The following LRRC74A variants were observed in gnomAD, a reference collection of about 807,000 sequenced individuals.
The protein encoded by LRRC74A is leucine rich repeat containing 74A.
In LRRC74A, 44 loss-of-function variants were observed where a neutral mutation model predicts 57.9. The observed-to-expected ratio is 0.76, with a 90% CI of 0.60 to 0.98. The LOEUF is 0.98. Among genes scored for constraint, LRRC74A ranks in the 50% least tolerant of loss-of-function variants. The pLI, the probability that LRRC74A is intolerant of heterozygous loss-of-function variation, is 0.00. For synonymous variants in LRRC74A, 211 were observed against 219.4 expected (o/e 0.96, Z 0.34); for missense variants, 572 against 574.0 (o/e 1.00, Z 0.04).
intron 7 of LRRC74A, among the ~76,000 whole-genome samples, chr14:76,848,905 A>C (rs1244200642): frequency 6.6e-6 from 1 of 152,192 alleles, no homozygotes. Context: ...CGGGTGCAGT[A>C]AGTGGGTAGA....
At chr14:76,868,043 C>T (rs111353955) in intron 13 of LRRC74A, among the ~76,000 whole-genome samples, 73 of 152,348 alleles carry the variant, frequency 4.8e-4, no homozygotes, top group African/African-American at 1.7e-3. Context: ...TAATAAGTCC[C>T]CGCCACATGC....
intron 10 of LRRC74A, among the ~76,000 whole-genome samples, chr14:76,858,131 A>G (rs951219713): frequency 6.6e-6 from 1 of 152,200 alleles, no homozygotes; most frequent in Non-Finnish European, 1.5e-5. Context: ...TACTGTATTA[A>G]TTTCCTAAGG....
chr14:76,856,604 C>A (rs1897900085), intron 9 of LRRC74A, among the ~76,000 whole-genome samples: 1 of 89,098 alleles, frequency 1.1e-5, no homozygotes, highest in East Asian at 3.7e-4. Flanking sequence ...GGATGGATGA[C>A]AGGTGGATGG....
intron 1 of LRRC74A, among the ~76,000 whole-genome samples, chr14:76,827,008 A>T (rs72737549): frequency 0.11 from 16,119 of 152,246 alleles, 957 homozygotes; most frequent in East Asian, 0.26. Flanking sequence ...AATCAGTCAC[A>T]TTGGGAATAT....
chr14:76,836,179 T>C, intron 3 of LRRC74A, 28 bp from the exon 4 acceptor site: 1 of 1,553,190 alleles, frequency 6.4e-7, no homozygotes, highest in Non-Finnish European at 8.9e-7. Context: ...CTTCTGTGTC[T>C]CTCTCCCTCC....
In LRRC74A at chr14:76,870,266, C is replaced by A; in HGVS notation, c.*117C>A. ...CGATGGACAGATGCTGTGGCAGGGGCTGGGCACAAGCAAATAAAGTCTGGC... is the reference window on the plus strand; with the variant it reads ...CGATGGACAGATGCTGTGGCAGGGGATGGGCACAAGCAAATAAAGTCTGGC... On this transcript the variant is annotated 3_prime_UTR_variant, in exon 14 of 14. Coordinates refer to ENST00000689127, the MANE Select transcript of LRRC74A (RefSeq NM_001385106.1). 8.5e-7 allele frequency: 1 copy of A among 1,169,852 alleles called. No homozygotes were observed. 72.5% of individuals were successfully genotyped at this position (1,169,852 alleles called of 1,614,324 possible). A position where few individuals can be genotyped will look rare whatever the true frequency, so the allele number is the denominator to read the frequency against.
chr14:76,867,184 GGGGA>G (rs1898967179), intron 12 of LRRC74A, among the ~76,000 whole-genome samples, 168 bp from the exon 13 acceptor site: 1 of 20,336 alleles, frequency 4.9e-5, no homozygotes, highest in African/African-American at 1.5e-4. Flanking sequence ...AGTGTGTGTG[GGGGA>G]GTGTGTGTGT....
At chr14:76,859,685 T>TG (rs1898157643) in intron 10 of LRRC74A, among the ~76,000 whole-genome samples, 21 of 142,888 alleles carry the variant, frequency 1.5e-4, no homozygotes, top group African/African-American at 4.2e-4. Context: ...TTTTTTTTTT[T>TG]GGGTGTTGGG....
chr14:76,859,470 G>A (rs141189392), intron 10 of LRRC74A, among the ~76,000 whole-genome samples: 246 of 148,422 alleles, frequency 1.7e-3, no homozygotes, highest in African/African-American at 5.6e-3. Flanking sequence ...GGAGGCAGAG[G>A]TTGTGATAAG....
At chr14:76,838,352 CT>C (rs1368883113) in intron 5 of LRRC74A, among the ~76,000 whole-genome samples, 1 of 152,130 alleles carries the variant, frequency 6.6e-6, no homozygotes, top group Non-Finnish European at 1.5e-5. Context: ...GAGACCTCCC[CT>C]CCTCTCCACA....
chr14:76,844,504 G>T, intron 6 of LRRC74A, 32 bp downstream of exon 6: 3 of 1,607,548 alleles, frequency 1.9e-6, no homozygotes, highest in East Asian at 2.2e-5. Flanking sequence ...CAAGCCACGT[G>T]GGCGATGTCC....
intron 6 of LRRC74A, 46 bp downstream of exon 6, chr14:76,844,518 G>T: frequency 6.3e-7 from 1 of 1,587,444 alleles, no homozygotes; most frequent in Non-Finnish European, 8.6e-7. Context: ...GATGTCCCTG[G>T]GAGATCTGGG....
intron 2 of LRRC74A, chr14:76,828,815 C>T (rs768814909): frequency 4.9e-6 from 2 of 410,346 alleles, no homozygotes; most frequent in Non-Finnish European, 9.5e-6. Flanking sequence ...AGATTATAGG[C>T]ATTGCCCAGG....
intron 12 of LRRC74A, among the ~76,000 whole-genome samples, chr14:76,866,638 G>A (rs1898819050): frequency 6.6e-6 from 1 of 152,156 alleles, no homozygotes; most frequent in African/African-American, 2.4e-5. Flanking sequence ...CGGTGCCCAG[G>A]CCGGGGGTGA....
intron 10 of LRRC74A, among the ~76,000 whole-genome samples, chr14:76,859,243 A>T (rs1434960062): frequency 6.6e-6 from 1 of 152,106 alleles, no homozygotes; most frequent in African/African-American, 2.4e-5. Flanking sequence ...AGAGAACATT[A>T]GAAATGTTCT....
Position 76,838,342 on chromosome 14 carries a change from G to A in LRRC74A, c.544+371G>A, listed in dbSNP as rs544044090. On this transcript the variant is annotated intron_variant, in intron 5 of 13. Coordinates refer to ENST00000689127, the MANE Select transcript of LRRC74A (RefSeq NM_001385106.1). Reference sequence around the variant, plus strand: ...CATAAAAGAACAAATCACTTAAAAAGAGACCTCCCCTCCTCTCCACACCAA... The same window carrying A: ...CATAAAAGAACAAATCACTTAAAAAAAGACCTCCCCTCCTCTCCACACCAA... Among the ~76,000 whole-genome samples the A allele has an allele frequency of 9.2e-5, 14 of 152,162 alleles. No homozygotes were observed. The South Asian group carries it at 2.9e-3, about 32-fold the overall frequency.
chr14:76,843,859 C>A (rs969818182), intron 5 of LRRC74A, among the ~76,000 whole-genome samples: 7 of 152,070 alleles, frequency 4.6e-5, no homozygotes, highest in South Asian at 2.1e-4. Flanking sequence ...TGTGCGCCAT[C>A]ATGCCTAATT....
intron 7 of LRRC74A, among the ~76,000 whole-genome samples, chr14:76,852,127 C>T (rs1897540602): frequency 6.6e-6 from 1 of 152,192 alleles, no homozygotes; most frequent in Non-Finnish European, 1.5e-5. Flanking sequence ...ATAGACTATA[C>T]CAATTTCCTT....
chr14:76,839,503 T>C (rs1896602404), intron 5 of LRRC74A, among the ~76,000 whole-genome samples: 1 of 152,242 alleles, frequency 6.6e-6, no homozygotes. Flanking sequence ...CAGATGGTTA[T>C]TGTGAAGATT....
Sources: allele counts gnomAD v4.1 joint callset (sites outside exome capture counted in the v4.1 genomes callset), GRCh38; gene constraint gnomAD v4.1.1; transcripts MANE v1.5; gene names NCBI Gene and HGNC (gene_info 2026-07-23, HGNC 2026-07-21).